The following TWIST2 variants were observed in gnomAD, a reference collection of about 807,000 sequenced individuals.
TWIST2 encodes twist family bHLH transcription factor 2, also known as twist-related protein 2.
A neutral mutation model predicts 11.6 loss-of-function variants in TWIST2; 1 was observed. The ratio of observed to expected loss-of-function variants is 0.09; its 90% CI spans 0.03 to 0.41. TWIST2 has a LOEUF of 0.41. Ranked by LOEUF, TWIST2 falls within the 10% of genes least tolerant of loss-of-function variation. TWIST2 has a pLI of 0.98. For missense variants in TWIST2, 168 were observed against 226.4 expected, an observed-to-expected ratio of 0.74 and a Z score of 1.66; for synonymous variants, 87 against 96.6, an observed-to-expected ratio of 0.90 and a Z score of 0.58.
intron 1 of TWIST2, among the ~76,000 whole-genome samples, chr2:238,873,795 T>G (rs1359305718): frequency 2.0e-5 from 3 of 152,184 alleles, no homozygotes; most frequent in African/African-American, 7.2e-5. Flanking sequence ...AACATCTCGA[T>G]ACCAGAAACA....
At chr2:238,908,016 CAT>C (rs1693384995) in intron 1 of TWIST2, among the ~76,000 whole-genome samples, 2 of 150,632 alleles carry the variant, frequency 1.3e-5, no homozygotes, top group African/African-American at 4.9e-5. Flanking sequence ...TACACAAACA[CAT>C]ACCACACAAA....
At chr2:238,860,605 A>G (rs1692413932) in intron 1 of TWIST2, among the ~76,000 whole-genome samples, 1 of 152,234 alleles carries the variant, frequency 6.6e-6, no homozygotes, top group Non-Finnish European at 1.5e-5. Flanking sequence ...AGCAAATCCC[A>G]AAGGATCTCA....
At chr2:238,907,076 C>T (rs1343841177) in intron 1 of TWIST2, among the ~76,000 whole-genome samples, 1 of 152,202 alleles carries the variant, frequency 6.6e-6, no homozygotes, top group African/African-American at 2.4e-5. Context: ...CCTGCTAGAG[C>T]TCAGGTCTCC....
chr2:238,878,287 T>G (rs1692842869), intron 1 of TWIST2, among the ~76,000 whole-genome samples: 1 of 152,068 alleles, frequency 6.6e-6, no homozygotes. Context: ...ACCCCAAAGC[T>G]CACTTATCTG....
intron 1 of TWIST2, among the ~76,000 whole-genome samples, chr2:238,853,188 A>G (rs1008606356): frequency 2.0e-5 from 3 of 152,246 alleles, no homozygotes; most frequent in African/African-American, 7.2e-5. Flanking sequence ...TTTGGGAAAT[A>G]TCTACCTTAA....
At chr2:238,897,113 C>T (rs1693215685) in intron 1 of TWIST2, among the ~76,000 whole-genome samples, 1 of 152,190 alleles carries the variant, frequency 6.6e-6, no homozygotes, top group Non-Finnish European at 1.5e-5. Flanking sequence ...TCCTCTTAGC[C>T]TCACCATCGT....
rs922732778 is a variant in TWIST2, at chr2:238,866,355, G to A, written c.*35+17622G>A. On this transcript the variant is annotated intron_variant, in intron 1 of 1. Coordinates refer to ENST00000612363, the MANE Select transcript of TWIST2 (RefSeq NM_001271893.4). This position sits in a 1 kb window ranked among gnomAD's most constrained non-coding sequence, Gnocchi z 4.9. ...AGGAGATGAGCAAACCCACATGCTT[G>A]TTCTTAAAGCATGGCACCTTCGGCC... is the stretch of plus-strand genomic sequence containing the variant. Among the ~76,000 whole-genome samples the A allele has an allele frequency of 4.6e-5, 7 of 152,220 alleles. No homozygotes were observed. Among genetic ancestry groups the A allele is most frequent in the Admixed American group, 1.3e-4 (2 of 15,284 alleles).
intron 1 of TWIST2, among the ~76,000 whole-genome samples, chr2:238,862,836 CTA>C (rs1443517376): frequency 3.3e-5 from 5 of 152,180 alleles, no homozygotes; most frequent in Non-Finnish European, 2.9e-5. Context: ...TGCTGGAACA[CTA>C]TGCAGTCAGC....
At chr2:238,884,763 C>G (rs1401319064) in intron 1 of TWIST2, among the ~76,000 whole-genome samples, 1 of 152,206 alleles carries the variant, frequency 6.6e-6, no homozygotes, top group Non-Finnish European at 1.5e-5. Context: ...TCGCAGGCCT[C>G]CCGCAGGTCA....
At position 238,863,992 on chromosome 2, in the gene TWIST2, C is replaced by T. The variant is rs1304373239; in HGVS notation, c.*35+15259C>T. 1.3e-5 allele frequency among the ~76,000 whole-genome samples: 2 copies of T among 152,146 alleles called. No homozygotes were observed. Among genetic ancestry groups the T allele is most frequent in the Non-Finnish European group, 2.9e-5 (2 of 68,020 alleles). Reference sequence around the variant, plus strand: ...CACCTCCCCAGAGGCTGGAGACCAACCAGGCACAGAATCTCTCATTTCCTT... The same window carrying T: ...CACCTCCCCAGAGGCTGGAGACCAATCAGGCACAGAATCTCTCATTTCCTT... On this transcript the variant is annotated intron_variant, in intron 1 of 1. Transcript: ENST00000612363. This position sits in a 1 kb window ranked among gnomAD's most constrained non-coding sequence, Gnocchi z 4.7.
chr2:238,898,501 G>C (rs1332831972), intron 1 of TWIST2, among the ~76,000 whole-genome samples: 5 of 152,236 alleles, frequency 3.3e-5, no homozygotes, highest in Admixed American at 2.0e-4. Flanking sequence ...CATTGAGGAT[G>C]CAAAGATCGC....
At chr2:238,861,953 G>A (rs147594867) in intron 1 of TWIST2, among the ~76,000 whole-genome samples, 1 of 152,160 alleles carries the variant, frequency 6.6e-6, no homozygotes, top group Non-Finnish European at 1.5e-5. Flanking sequence ...TCGAGCATCC[G>A]CTGGGGGTCT....
At chr2:238,856,292 A>G (rs570488269) in intron 1 of TWIST2, among the ~76,000 whole-genome samples, 2 of 152,336 alleles carry the variant, frequency 1.3e-5, no homozygotes, top group African/African-American at 4.8e-5. Context: ...ACTTTCTTTC[A>G]GACTATTTTT....
In TWIST2 at chr2:238,910,445, T is replaced by C. The variant is rs1398154207; in HGVS notation, c.*639T>C. The stretch of plus-strand genomic sequence containing the variant: ...TCAGTGTATATGTTGCTTGTTTGTT[T>C]TATTTATTGAGATATTTTTACAAGC... On this transcript the variant is annotated 3_prime_UTR_variant, in exon 2 of 2. Transcript: ENST00000612363. The C allele has an allele frequency of 6.6e-6, 1 of 152,220 alleles. No homozygotes were observed. The highest frequency in any genetic ancestry group is 1.5e-5 in the Non-Finnish European group (1 of 68,046). The allele number at this position is 152,220 out of a possible 1,614,324, so 9.4% of individuals were successfully genotyped here.
chr2:238,871,515 ACCC>A (rs1314647943), intron 1 of TWIST2, among the ~76,000 whole-genome samples: 1 of 73,746 alleles, frequency 1.4e-5, no homozygotes, highest in Non-Finnish European at 2.7e-5. Flanking sequence ...CCCCACACAT[ACCC>A]CCCAAACCCC....
At chr2:238,857,021 G>T (rs969019418) in intron 1 of TWIST2, among the ~76,000 whole-genome samples, 1 of 152,182 alleles carries the variant, frequency 6.6e-6, no homozygotes, top group African/African-American at 2.4e-5. Flanking sequence ...AGGTGATTCA[G>T]ATGCCAGAGA....
intron 1 of TWIST2, among the ~76,000 whole-genome samples, chr2:238,891,757 C>T (rs1693137666): frequency 6.6e-6 from 1 of 152,198 alleles, no homozygotes. Context: ...GCACATTTTC[C>T]AGGCTTGAGT....
intron 1 of TWIST2, among the ~76,000 whole-genome samples, chr2:238,886,612 A>G (rs928318006): frequency 2.6e-5 from 4 of 151,440 alleles, no homozygotes; most frequent in African/African-American, 9.7e-5. Context: ...TTGAGGCTCC[A>G]GTGCTTATCT....
At chr2:238,876,602 C>G (rs1284230830) in intron 1 of TWIST2, among the ~76,000 whole-genome samples, 5 of 152,250 alleles carry the variant, frequency 3.3e-5, no homozygotes, top group East Asian at 1.9e-4. Context: ...GAGAAACTCT[C>G]TCTCAGTAGG....
Sources: gnomAD v4.1 joint callset for allele counts (sites outside exome capture counted in the v4.1 genomes callset) on GRCh38, gnomAD v4.1.1 for gene constraint, Gnocchi (gnomAD v3.1) non-coding constraint, MANE v1.5 for transcripts, NCBI Gene and HGNC (gene_info 2026-07-23, HGNC 2026-07-21) for gene names.